The following NKAIN2 variants were observed in gnomAD, a reference collection of about 807,000 sequenced individuals.
The protein encoded by NKAIN2 is sodium/potassium-transporting ATPase subunit beta-1-interacting protein 2.
In NKAIN2, 14 loss-of-function variants were observed where a neutral mutation model predicts 32.6. The ratio of observed to expected loss-of-function variants is 0.43; its 90% CI spans 0.28 to 0.67. NKAIN2 has a LOEUF of 0.67. Among genes scored for constraint, NKAIN2 ranks in the 30% least tolerant of loss-of-function variants. The pLI is 0.17. For synonymous variants in NKAIN2, 80 were observed against 87.2 expected, an observed-to-expected ratio of 0.92 and a Z score of 0.46; for missense variants, 198 against 258.3, an observed-to-expected ratio of 0.77 and a Z score of 1.60.
chr6:124,419,169 C>G (rs946782972), intron 3 of NKAIN2, among the ~76,000 whole-genome samples: 11 of 152,116 alleles, frequency 7.2e-5, no homozygotes, highest in Admixed American at 2.0e-4. Context: ...TCTCCCTCTT[C>G]ATCTTTTCTT....
At chr6:124,629,221 C>G (rs147466389) in intron 3 of NKAIN2, among the ~76,000 whole-genome samples, 2 of 152,170 alleles carry the variant, frequency 1.3e-5, no homozygotes, top group East Asian at 3.9e-4. Context: ...AATTAAACCC[C>G]AGGGGTATAA....
chr6:124,191,712 G>T (rs1243663220), intron 1 of NKAIN2, among the ~76,000 whole-genome samples: 1 of 152,156 alleles, frequency 6.6e-6, no homozygotes, highest in African/African-American at 2.4e-5. Context: ...TAAGTATAAG[G>T]TTAGCCCTTG....
intron 5 of NKAIN2, among the ~76,000 whole-genome samples, chr6:124,804,304 A>T (rs1167850862): frequency 6.6e-6 from 1 of 152,258 alleles, no homozygotes; most frequent in Admixed American, 6.5e-5. Flanking sequence ...GCAGATATGA[A>T]CAAGAACAAC....
chr6:124,488,392 A>G (rs1777736727), intron 3 of NKAIN2, among the ~76,000 whole-genome samples: 1 of 152,042 alleles, frequency 6.6e-6, no homozygotes, highest in Admixed American at 6.6e-5. Context: ...TAATCATATT[A>G]TCTGCTCAGA....
chr6:124,661,839 G>C (rs747011896), intron 4 of NKAIN2, among the ~76,000 whole-genome samples: 8 of 152,180 alleles, frequency 5.3e-5, no homozygotes, highest in Non-Finnish European at 4.4e-5. Context: ...GAGAGCCAAG[G>C]AGGAGATCAA....
At chr6:123,809,432 T>G (rs973382576) in intron 1 of NKAIN2, among the ~76,000 whole-genome samples, 1 of 152,066 alleles carries the variant, frequency 6.6e-6, no homozygotes, top group African/African-American at 2.4e-5. Flanking sequence ...GTTCTTACCA[T>G]TCCCAAGAGA....
chr6:123,818,599 G>A (rs1773796927), intron 1 of NKAIN2, among the ~76,000 whole-genome samples: 1 of 152,064 alleles, frequency 6.6e-6, no homozygotes, highest in African/African-American at 2.4e-5. Context: ...GTATAATTTT[G>A]CTTGATCCAA....
intron 3 of NKAIN2, among the ~76,000 whole-genome samples, chr6:124,633,663 C>T (rs1287183030): frequency 6.6e-6 from 1 of 152,118 alleles, no homozygotes; most frequent in African/African-American, 2.4e-5. Flanking sequence ...ACAAACTGAA[C>T]CAAGAGACAT....
chr6:124,159,451 G>C (rs980968845), intron 1 of NKAIN2, among the ~76,000 whole-genome samples: 1 of 152,098 alleles, frequency 6.6e-6, no homozygotes, highest in Non-Finnish European at 1.5e-5. Context: ...CCCTCAGAAT[G>C]TAACATGTAC....
chr6:124,376,093 G>T (rs1799978418), intron 3 of NKAIN2, among the ~76,000 whole-genome samples: 1 of 152,080 alleles, frequency 6.6e-6, no homozygotes, highest in African/African-American at 2.4e-5. Flanking sequence ...AAGGTGCAAA[G>T]AAATTGAAAT....
intron 3 of NKAIN2, among the ~76,000 whole-genome samples, chr6:124,360,043 G>C (rs1799202566): frequency 6.6e-6 from 1 of 152,150 alleles, no homozygotes; most frequent in Non-Finnish European, 1.5e-5. Context: ...TGTGGTTTTT[G>C]TCGTTGGTTC....
intron 4 of NKAIN2, among the ~76,000 whole-genome samples, chr6:124,741,994 G>C (rs1297674643): frequency 6.6e-6 from 1 of 151,854 alleles, no homozygotes; most frequent in Non-Finnish European, 1.5e-5. Context: ...GGAATGTTCA[G>C]ATTCCAACAG....
At chr6:124,741,143 A>T (rs1777187792) in intron 4 of NKAIN2, among the ~76,000 whole-genome samples, 1 of 151,678 alleles carries the variant, frequency 6.6e-6, no homozygotes, top group Non-Finnish European at 1.5e-5. Flanking sequence ...AACGTGAAGG[A>T]GTGTAGTTAG....
intron 3 of NKAIN2, among the ~76,000 whole-genome samples, chr6:124,460,884 T>A (rs1487797309): frequency 1.3e-5 from 2 of 151,762 alleles, no homozygotes; most frequent in Non-Finnish European, 3.0e-5. Flanking sequence ...TAGTTCTGTT[T>A]AACTTAACCA....
intron 1 of NKAIN2, among the ~76,000 whole-genome samples, chr6:123,811,999 C>CACT (rs1773496256): frequency 6.6e-6 from 1 of 152,128 alleles, no homozygotes; most frequent in Non-Finnish European, 1.5e-5. Flanking sequence ...GTTCTGTGGA[C>CACT]ACTAGTTCAG....
chr6:124,387,616 G>A (rs1192069959), intron 3 of NKAIN2, among the ~76,000 whole-genome samples: 68 of 152,082 alleles, frequency 4.5e-4, no homozygotes, highest in Admixed American at 4.5e-3. Context: ...TATAGCTTTT[G>A]TGTTTGCAAA....
intron 4 of NKAIN2, among the ~76,000 whole-genome samples, chr6:124,786,968 C>T (rs1001398586): frequency 2.6e-5 from 4 of 152,108 alleles, no homozygotes; most frequent in Non-Finnish European, 2.9e-5. Context: ...TGGGCCACTT[C>T]CTCCTCCCTA....
At chr6:124,639,627 C>T (rs1783910688) in intron 3 of NKAIN2, among the ~76,000 whole-genome samples, 1 of 151,606 alleles carries the variant, frequency 6.6e-6, no homozygotes. Flanking sequence ...GAGTGAGACT[C>T]CGTAAAGAAA....
At chr6:124,560,614 G>A in intron 3 of NKAIN2, among the ~76,000 whole-genome samples, 1 of 152,130 alleles carries the variant, frequency 6.6e-6, no homozygotes, top group East Asian at 1.9e-4. Context: ...ATACAACGAT[G>A]AGGCTACCCT....
Sources: allele counts gnomAD v4.1 joint callset (sites outside exome capture counted in the v4.1 genomes callset), GRCh38; gene constraint gnomAD v4.1.1; transcripts MANE v1.5; gene names NCBI Gene and HGNC (gene_info 2026-07-23, HGNC 2026-07-21).